HMCN1: variants seen among roughly 807,000 people sequenced by gnomAD.
HMCN1 encodes the protein hemicentin-1.
In HMCN1, 321 loss-of-function variants were observed where a neutral mutation model predicts 625.9. That is an observed-to-expected ratio of 0.51 (90% confidence interval 0.47 to 0.56). HMCN1 has a LOEUF of 0.56. Ranked by LOEUF, HMCN1 falls within the 20% of genes least tolerant of loss-of-function variation. The pLI, the probability that HMCN1 is intolerant of heterozygous loss-of-function variation, is 0.00. For synonymous variants in HMCN1, 2,425 were observed against 2,417.6 expected (o/e 1.00, Z -0.09); for missense variants, 6,588 against 6,887.3 (o/e 0.96, Z 1.54).
intron 102 of HMCN1, 32 bp downstream of exon 102, chr1:186,172,163 C>CG (rs761262157): frequency 6.2e-6 from 10 of 1,612,394 alleles, no homozygotes; most frequent in Non-Finnish European, 8.5e-6. Context: ...TGACTGAGAT[C>CG]AGTTTGCCGT....
rs1370854272 is a variant in HMCN1, at chr1:186,087,292, C to G, written c.9122C>G (p.Ala3041Gly). The G allele has an allele frequency of 1.2e-6, 2 of 1,613,190 alleles. No individual in the cohort carries two copies. The highest frequency in any genetic ancestry group is 1.7e-6 in the Non-Finnish European group (2 of 1,179,382). ...TACACTTGTATAGCTATCAATCAAG[C>G]TGGCGAAAGCAAGAAAAAGTTTTCC... The part of the protein sequence containing the change: ...GEYTCIAINQ[A>G]GESKKKFSLT... Residue 3041 changes from alanine to glycine, a missense_variant, in exon 59 of 107, where the codon GCT becomes GGT. By Grantham distance (60) the Ala-to-Gly change is moderately conservative (BLOSUM62 0). This residue lies in a region of HMCN1 where 4,628 missense variants were observed against 4,853.1 expected (regional missense o/e 0.95). Transcript: ENST00000271588.
rs902088158 is a variant in HMCN1, at chr1:186,064,017, C to T, written c.7514-1221C>T. Among the ~76,000 whole-genome samples, 13 of 151,950 alleles carry T rather than the reference C, an allele frequency of 8.6e-5. 2 individuals carry two copies. The highest frequency in any genetic ancestry group is 5.3e-4 in the Admixed American group (8 of 15,218). On this transcript the variant is annotated intron_variant, in intron 48 of 106. Coordinates refer to ENST00000271588, the MANE Select transcript of HMCN1 (RefSeq NM_031935.3). ...AGTTTCTTATTTCATTGTTTGTCTG[C>T]CTTATGTGAGCAATAAATTCAAATA...
chr1:186,148,360 A>G (rs969678887), intron 93 of HMCN1, among the ~76,000 whole-genome samples: 1 of 152,112 alleles, frequency 6.6e-6, no homozygotes, highest in African/African-American at 2.4e-5. Flanking sequence ...AACTTCCAAT[A>G]TCCTGTTAAT....
intron 4 of HMCN1, among the ~76,000 whole-genome samples, chr1:185,900,165 C>T (rs1446886812): frequency 6.6e-6 from 1 of 151,802 alleles, no homozygotes; most frequent in East Asian, 1.9e-4. Context: ...TGATTTAATC[C>T]ATTGCTTTCA....
chr1:185,901,868 G>A (rs1162170212), intron 4 of HMCN1, among the ~76,000 whole-genome samples: 4 of 151,754 alleles, frequency 2.6e-5, no homozygotes, highest in Non-Finnish European at 3.0e-5. Context: ...TCTATATTTT[G>A]AGGTCTTTTA....
In HMCN1 at chr1:186,117,598, A is replaced by C; in HGVS notation, c.11823A>C (p.Gly3941=). The C allele has an allele frequency of 6.2e-7, 1 of 1,613,736 alleles. No individual in the cohort carries two copies. The highest frequency in any genetic ancestry group is 8.5e-7 in the Non-Finnish European group (1 of 1,179,770). The change falls in exon 77 of 107, where the codon GGA becomes GGC. Residue 3941 remains glycine (G), a synonymous_variant. Transcript: ENST00000271588. ...ATGGTATAAGACTGCTTCCCAGGGG[A>C]GATGGCTATAGAATTCTGTCCTCAG... The part of the protein sequence containing the change: ...TKNGIRLLPR[G]DGYRILSSGA...
Position 185,923,515 on chromosome 1 carries a change from C to A in HMCN1, c.1147C>A (p.Arg383=). ...KTIPVKYYPH[R]KPYGIWNISD... is the part of the protein sequence containing the mutation. ...TATTCCTGTTAAATATTACCCACAT[C>A]GAAAACCTTATGGCATATGGAATAT... The change falls in exon 8 of 107, where the codon CGA becomes AGA. Residue 383 remains arginine, a synonymous_variant. Transcript: ENST00000271588. 6.2e-7 allele frequency: 1 copy of A among 1,612,472 alleles called. No individual in the cohort carries two copies. Among genetic ancestry groups the A allele is most frequent in the Non-Finnish European group, 8.5e-7 (1 of 1,178,976 alleles).
intron 36 of HMCN1, among the ~76,000 whole-genome samples, chr1:186,032,767 A>T (rs1655547778): frequency 6.7e-6 from 1 of 148,480 alleles, no homozygotes; most frequent in African/African-American, 2.5e-5. Context: ...AGAAAAAAAA[A>T]GATGTGGTGT....
intron 6 of HMCN1, among the ~76,000 whole-genome samples, chr1:185,912,411 C>T (rs1558060139): frequency 6.6e-6 from 1 of 152,126 alleles, no homozygotes; most frequent in South Asian, 2.1e-4. Flanking sequence ...CTAAACTTAT[C>T]TTAAGTGGTA....
chr1:185,805,284 T>A (rs1659092098), intron 1 of HMCN1, among the ~76,000 whole-genome samples: 1 of 152,192 alleles, frequency 6.6e-6, no homozygotes. Context: ...CCCAAAATAT[T>A]TTTTATTGGT....
chr1:186,174,462 A>G lies in HMCN1; in HGVS notation c.15815-52A>G. On this transcript the variant is annotated intron_variant, in intron 102 of 106. Coordinates refer to ENST00000271588, the MANE Select transcript of HMCN1 (RefSeq NM_031935.3). Reference sequence around the variant, plus strand: ...CAGAATGCTGACTTTAAATACAATGACTTTGGGTTTGAAAGAGGAAATGTT... The same window carrying G: ...CAGAATGCTGACTTTAAATACAATGGCTTTGGGTTTGAAAGAGGAAATGTT... The G allele has an allele frequency of 2.5e-6, 4 of 1,606,072 alleles. No homozygotes were observed. In the South Asian group the frequency reaches 3.3e-5, roughly 13 times the overall value.
At chr1:185,958,604 C>T (rs1401173072) in intron 11 of HMCN1, among the ~76,000 whole-genome samples, 5 of 152,102 alleles carry the variant, frequency 3.3e-5, no homozygotes, top group Admixed American at 6.5e-5. Flanking sequence ...AAAGTTACAT[C>T]GTGCCTACTA....
At chr1:186,178,961 G>A (rs966776348) in intron 104 of HMCN1, among the ~76,000 whole-genome samples, 195 bp downstream of exon 104, 1 of 152,200 alleles carries the variant, frequency 6.6e-6, no homozygotes, top group Non-Finnish European at 1.5e-5. Flanking sequence ...GGATTTACAT[G>A]TGGGCATTCT....
At chr1:185,994,311 T>C (rs904370651) in intron 23 of HMCN1, among the ~76,000 whole-genome samples, 42 of 152,116 alleles carry the variant, frequency 2.8e-4, no homozygotes, top group African/African-American at 9.7e-4. Flanking sequence ...ATAGAGGCTC[T>C]TTGTGGTTTT....
intron 1 of HMCN1, 43 bp from the exon 2 acceptor site, chr1:185,845,983 A>G: frequency 7.9e-7 from 1 of 1,268,300 alleles, no homozygotes; most frequent in South Asian, 1.2e-5. Context: ...CTTTAATGCC[A>G]TTGATTACTG....
intron 1 of HMCN1, among the ~76,000 whole-genome samples, chr1:185,811,332 T>C (rs1291400311): frequency 1.3e-5 from 2 of 152,120 alleles, no homozygotes; most frequent in Admixed American, 1.3e-4. Flanking sequence ...GGCCATGATA[T>C]GTACTGTTCT....
At chr1:186,038,151 T>G in intron 37 of HMCN1, 116 bp downstream of exon 37, 1 of 720,112 alleles carries the variant, frequency 1.4e-6, no homozygotes. Flanking sequence ...AGAATACATT[T>G]CATGGGTGAA....
chr1:186,054,064 T>A, intron 44 of HMCN1, 78 bp downstream of exon 44: 1 of 1,346,808 alleles, frequency 7.4e-7, no homozygotes, highest in Non-Finnish European at 1.0e-6. Context: ...TTTAAAAATA[T>A]CTTTAATGTT....
chr1:185,924,965 G>A, intron 8 of HMCN1, 82 bp from the exon 9 acceptor site: 1 of 1,174,978 alleles, frequency 8.5e-7, no homozygotes, highest in Non-Finnish European at 1.2e-6. Context: ...TAAAGATTTT[G>A]AATGGATTAA....
Sources: allele counts gnomAD v4.1 joint callset (sites outside exome capture counted in the v4.1 genomes callset), GRCh38; gene constraint gnomAD v4.1.1; regional missense constraint gnomAD v4.1.1; transcripts MANE v1.5; gene names NCBI Gene and HGNC (gene_info 2026-07-23, HGNC 2026-07-21).